Variants in MELK observed in about 807,000 individuals in gnomAD.
MELK encodes pEg3 kinase.
Under a neutral mutation model 85.0 loss-of-function variants are expected in MELK, and 81 were observed. The observed-to-expected ratio is 0.95, with a 90% CI of 0.80 to 1.15. MELK has a LOEUF of 1.15. Among genes scored for constraint, MELK ranks in the 50% most tolerant of loss-of-function variants. MELK has a pLI of 0.00. For synonymous variants in MELK, 252 were observed against 265.0 expected (o/e 0.95, Z 0.48); for missense variants, 754 against 777.5 (o/e 0.97, Z 0.36).
intron 12 of MELK, among the ~76,000 whole-genome samples, chr9:36,654,742 T>C (rs1831060262): frequency 6.6e-6 from 1 of 152,206 alleles, no homozygotes; most frequent in Non-Finnish European, 1.5e-5. Context: ...ATATATTTAC[T>C]CTTATCTTCC....
At chr9:36,615,520 G>A (rs1365384062) in intron 8 of MELK, among the ~76,000 whole-genome samples, 3 of 139,164 alleles carry the variant, frequency 2.2e-5, no homozygotes, top group Non-Finnish European at 4.7e-5. Context: ...CTCCCGGACG[G>A]GGTGGCTGCC....
Position 36,630,356 on chromosome 9 carries a change from C to G in MELK, c.724C>G (p.Gln242Glu), listed in dbSNP as rs1362089488. 2 of 1,606,154 alleles carry G rather than the reference C, an allele frequency of 1.2e-6. No individual in the cohort carries two copies. The highest frequency in any genetic ancestry group is 1.7e-6 in the Non-Finnish European group (2 of 1,174,430). ...TCCCAGTAGCATTCTGCTTCTTCAA[C>G]AAATGCTGCAGGTAAACTTTATTTT... is the stretch of plus-strand genomic sequence containing the variant. ...LSPSSILLLQ[Q>E]MLQVDPKKRI... The change falls in exon 9 of 18, where the codon CAA becomes GAA. Residue 242 changes from glutamine (Q) to glutamate (E), a missense_variant. Gln to Glu is a conservative substitution (Grantham distance 29). Transcript: ENST00000298048.
intron 13 of MELK, among the ~76,000 whole-genome samples, chr9:36,657,592 T>C (rs1279589041): frequency 2.6e-5 from 4 of 152,200 alleles, no homozygotes; most frequent in Non-Finnish European, 4.4e-5. Context: ...ATTTCCTGTT[T>C]ATTATTATTA....
chr9:36,651,660 C>A, intron 11 of MELK, 86 bp from the exon 12 acceptor site: 1 of 1,490,162 alleles, frequency 6.7e-7, no homozygotes, highest in Non-Finnish European at 9.1e-7. Flanking sequence ...CTGAATGTTA[C>A]ACTGAAGAAA....
intron 13 of MELK, among the ~76,000 whole-genome samples, chr9:36,661,139 G>T (rs1831770337): frequency 6.6e-6 from 1 of 152,176 alleles, no homozygotes; most frequent in Non-Finnish European, 1.5e-5. Flanking sequence ...GCGGCTCCTA[G>T]GTTGCTGGTC....
At chr9:36,578,868 A>C (rs774361748) in intron 1 of MELK, among the ~76,000 whole-genome samples, 13 of 152,108 alleles carry the variant, frequency 8.5e-5, no homozygotes, top group Non-Finnish European at 1.6e-4. Context: ...TTTGAGACAG[A>C]ATCTTGCTTT....
intron 11 of MELK, among the ~76,000 whole-genome samples, chr9:36,649,355 C>T (rs944391454): frequency 2.0e-5 from 3 of 151,994 alleles, no homozygotes; most frequent in African/African-American, 7.3e-5. Context: ...GGTGTGGTGG[C>T]GGGCGCCTGT....
intron 12 of MELK, among the ~76,000 whole-genome samples, chr9:36,655,011 C>T (rs577942949): frequency 1.5e-4 from 23 of 152,198 alleles, no homozygotes; most frequent in Admixed American, 1.2e-3. Flanking sequence ...TAATCATGAT[C>T]GATCAATCAA....
Position 36,660,236 on chromosome 9 carries a change from T to A in MELK, c.1176+2873T>A, listed in dbSNP as rs189606017. On this transcript the variant is annotated intron_variant, in intron 13 of 17. Coordinates refer to ENST00000298048, the MANE Select transcript of MELK (RefSeq NM_014791.4). ...GTGGACATCTTATTCTCTAACTTTT[T>A]TTTCAGCATTTTTGTTAGTTTATTG... 2.0e-5 allele frequency among the ~76,000 whole-genome samples: 3 copies of A among 152,352 alleles called. No individual in the cohort carries two copies. In the East Asian group the frequency reaches 5.8e-4, roughly 29 times the overall value.
intron 11 of MELK, among the ~76,000 whole-genome samples, chr9:36,644,209 T>TTGTGTGTGTGTGTGTGTG: frequency 6.9e-6 from 1 of 145,414 alleles, no homozygotes; most frequent in African/African-American, 2.6e-5. Flanking sequence ...TACCTGTGTT[T>TTGTGTGTGTGTGTGTGTG]TGTGTGTGTG....
At chr9:36,670,575 A>G (rs1354086826) in intron 15 of MELK, among the ~76,000 whole-genome samples, 1 of 151,510 alleles carries the variant, frequency 6.6e-6, no homozygotes, top group Non-Finnish European at 1.5e-5. Context: ...ATAGATATAT[A>G]CATTGATGTA....
intron 1 of MELK, among the ~76,000 whole-genome samples, chr9:36,578,947 A>G (rs1177217316): frequency 1.2e-3 from 164 of 134,054 alleles, no homozygotes; most frequent in South Asian, 2.2e-3. Context: ...GGTTCAAGCA[A>G]TTCTCCTGCC....
At position 36,677,279 on chromosome 9, in the gene MELK, GC is replaced by G. The variant is rs764078674; in HGVS notation, c.1899del (p.Asp634MetfsTer8). On this transcript the variant is annotated frameshift_variant, in exon 18 of 18. Coordinates refer to ENST00000298048, the MANE Select transcript of MELK (RefSeq NM_014791.4). LOFTEE classifies it high-confidence loss of function. ...GGTATCAGGAGGCAGCGGCTTAAGG[GC>G]GATGCCTGGGTTTACAAAAGATTAG... Reference protein sequence around the residue: ...VVGIRRQRLKGDAWVYKRLVE... With the variant: ...VVGIRRQRLKXDAWVYKRLVE... 1 of 1,614,000 alleles carries G rather than the reference GC, an allele frequency of 6.2e-7. No individual in the cohort carries two copies. The highest frequency in any genetic ancestry group is 8.5e-7 in the Non-Finnish European group (1 of 1,179,952).
intron 4 of MELK, among the ~76,000 whole-genome samples, chr9:36,593,752 T>C (rs1823889263): frequency 6.6e-6 from 1 of 152,154 alleles, no homozygotes; most frequent in African/African-American, 2.4e-5. Flanking sequence ...AGTGCAGTGG[T>C]GCAATCTTGG....
Position 36,599,419 on chromosome 9 carries a change from C to T in MELK, c.500C>T (p.Thr167Ile). Reference protein sequence around the residue: ...PKGNKDYHLQTCCGSLAYAAP... With the variant: ...PKGNKDYHLQICCGSLAYAAP... Reference sequence around the variant, plus strand: ...GGTAACAAGGATTACCATCTACAGACATGCTGTGGGAGTCTGGCTTATGCA... The same window carrying T: ...GGTAACAAGGATTACCATCTACAGATATGCTGTGGGAGTCTGGCTTATGCA... The change falls in exon 7 of 18, where the codon ACA (threonine) becomes ATA (isoleucine). Residue 167 changes from threonine (T) to isoleucine (I), a missense_variant. By Grantham distance (89) the Thr-to-Ile change is moderately conservative. Coordinates refer to ENST00000298048, the MANE Select transcript of MELK (RefSeq NM_014791.4). 2 of 1,610,416 alleles carry T rather than the reference C, an allele frequency of 1.2e-6. No homozygotes were observed. The highest frequency in any genetic ancestry group is 1.7e-6 in the Non-Finnish European group (2 of 1,177,712).
At chr9:36,664,493 A>G (rs1832148086) in intron 13 of MELK, among the ~76,000 whole-genome samples, 1 of 152,170 alleles carries the variant, frequency 6.6e-6, no homozygotes, top group Non-Finnish European at 1.5e-5. Context: ...AGTTAAATTT[A>G]GGCTTGAGGT....
chr9:36,574,745 A>G (rs1821469537), intron 1 of MELK, among the ~76,000 whole-genome samples: 1 of 152,232 alleles, frequency 6.6e-6, no homozygotes, highest in African/African-American at 2.4e-5. Context: ...CCCAAATAAT[A>G]TTGTTAAAAA....
chr9:36,672,948 T>C (rs1833012769), intron 16 of MELK, among the ~76,000 whole-genome samples: 1 of 152,226 alleles, frequency 6.6e-6, no homozygotes, highest in Admixed American at 6.5e-5. Context: ...AGGACTTTCT[T>C]TGGGAAATTA....
At chr9:36,606,675 A>G (rs1337350266) in intron 7 of MELK, 8 of 137,150 alleles carry the variant, frequency 5.8e-5, no homozygotes, top group Non-Finnish European at 1.0e-4. Context: ...ATATATGGAC[A>G]TATATATGTA....
Sources: gnomAD v4.1 joint callset for allele counts (sites outside exome capture counted in the v4.1 genomes callset) on GRCh38, gnomAD v4.1.1 for gene constraint, MANE v1.5 for transcripts, NCBI Gene and HGNC (gene_info 2026-07-23, HGNC 2026-07-21) for gene names.